The following MAD1L1 variants were observed in gnomAD, a reference collection of about 807,000 sequenced individuals.
The protein encoded by MAD1L1 is mitotic spindle assembly checkpoint protein MAD1.
Under a neutral mutation model 96.9 loss-of-function variants are expected in MAD1L1, and 95 were observed. That is an observed-to-expected ratio of 0.98 (90% confidence interval 0.83 to 1.16). MAD1L1 has a LOEUF of 1.16. MAD1L1 is among the 50% of genes most tolerant of loss of function. The probability of loss-of-function intolerance (pLI) is 0.00; values close to 1 mark genes in which losing one functional copy is unlikely to be tolerated. For synonymous variants in MAD1L1, 473 were observed against 396.6 expected, an observed-to-expected ratio of 1.19 and a Z score of -2.29; for missense variants, 1,007 against 954.4, an observed-to-expected ratio of 1.06 and a Z score of -0.73.
chr7:1,828,573 G>A (rs1171863406), intron 18 of MAD1L1, among the ~76,000 whole-genome samples: 5 of 152,220 alleles, frequency 3.3e-5, no homozygotes, highest in Non-Finnish European at 5.9e-5. Context: ...GCAAGGGGCG[G>A]TGTGAGCCCC....
At chr7:1,964,811 G>A in intron 15 of MAD1L1, among the ~76,000 whole-genome samples, 1 of 152,226 alleles carries the variant, frequency 6.6e-6, no homozygotes, top group Non-Finnish European at 1.5e-5. Flanking sequence ...CAAGAAAAAT[G>A]ATTAGTTGTT....
Position 1,968,109 on chromosome 7 carries a change from C to T in MAD1L1, c.1506-10390G>A, listed in dbSNP as rs1026492366. On this transcript the variant is annotated intron_variant, in intron 15 of 18. Coordinates refer to ENST00000265854, the MANE Select transcript of MAD1L1 (RefSeq NM_001013836.2). This position sits in a 1 kb window ranked among gnomAD's most constrained non-coding sequence, Gnocchi z 5.6. ...ACTCATCCCTCCAGAGGGGGAGCGT[C>T]GCCTGTGCCCTGAGGGATTCGCTTC... Among the ~76,000 whole-genome samples, 3 of 152,360 alleles carry T rather than the reference C, an allele frequency of 2.0e-5. No individual in the cohort carries two copies. Among genetic ancestry groups the T allele is most frequent in the Admixed American group, 6.5e-5 (1 of 15,312 alleles).
chr7:2,011,117 G>A (rs1337743963), intron 13 of MAD1L1, among the ~76,000 whole-genome samples: 2 of 152,192 alleles, frequency 1.3e-5, no homozygotes, highest in African/African-American at 4.8e-5. Flanking sequence ...CTCCCCGGCT[G>A]GGGCGATGGC....
chr7:2,230,039 T>G lies in MAD1L1; in HGVS notation c.95A>C (p.Asp32Ala). Reference protein sequence around the residue: ...SQRVEGGSGLDISTSAPGSLQ... With the variant: ...SQRVEGGSGLAISTSAPGSLQ... ...AGAACCTGGGGCCGAGGTAGAAATA[T>G]CCAGTCCAGAGCCTCCCTCCACACG... is the stretch of plus-strand genomic sequence containing the variant. The change falls in exon 3 of 19, where the codon GAT becomes GCT. Residue 32 changes from aspartate (D) to alanine (A), a missense_variant. By Grantham distance (126) the Asp-to-Ala change is moderately radical. Transcript: ENST00000265854. 1 of 1,613,726 alleles carries G rather than the reference T, an allele frequency of 6.2e-7. No homozygotes were observed. Among genetic ancestry groups the G allele is most frequent in the Non-Finnish European group, 8.5e-7 (1 of 1,179,970 alleles).
intron 18 of MAD1L1, among the ~76,000 whole-genome samples, chr7:1,866,020 G>C (rs1295376806): frequency 6.6e-6 from 1 of 152,234 alleles, no homozygotes; most frequent in African/African-American, 2.4e-5. Flanking sequence ...TGGGTCTGGA[G>C]AACCATGCTG....
At chr7:2,169,226 A>C (rs1054540713) in intron 10 of MAD1L1, among the ~76,000 whole-genome samples, 1 of 152,188 alleles carries the variant, frequency 6.6e-6, no homozygotes, top group Non-Finnish European at 1.5e-5. Context: ...TAAAGTCCGC[A>C]TGTAGACAGT....
intron 11 of MAD1L1, among the ~76,000 whole-genome samples, chr7:2,080,805 C>A (rs965448733): frequency 2.6e-5 from 4 of 152,110 alleles, no homozygotes; most frequent in African/African-American, 9.7e-5. Context: ...TCAAACACAC[C>A]CTGAACCTCC....
rs972773029 is a variant in MAD1L1, at chr7:2,167,152, A to T, written c.987-17914T>A. 1.9e-4 allele frequency among the ~76,000 whole-genome samples: 29 copies of T among 152,186 alleles called. 1 individual carries two copies. On this transcript the variant is annotated intron_variant, in intron 10 of 18. Coordinates refer to ENST00000265854, the MANE Select transcript of MAD1L1 (RefSeq NM_001013836.2). ...GGCAGCATGCTTCACTGGGCAACGGAGGTGCTGCTGCAAGTGGGCGCAGTA... is the reference window on the plus strand; with the variant it reads ...GGCAGCATGCTTCACTGGGCAACGGTGGTGCTGCTGCAAGTGGGCGCAGTA...
chr7:1,831,947 G>A (rs560183635), intron 18 of MAD1L1, among the ~76,000 whole-genome samples: 43 of 152,310 alleles, frequency 2.8e-4, no homozygotes, highest in African/African-American at 7.7e-4. Context: ...GGAGATGAAC[G>A]TTGTTTCTAT....
At chr7:1,971,276 C>A (rs536184720) in intron 15 of MAD1L1, among the ~76,000 whole-genome samples, 2 of 152,332 alleles carry the variant, frequency 1.3e-5, no homozygotes, top group East Asian at 3.9e-4. Flanking sequence ...GTAAGAAACA[C>A]AAGCGATGGG....
At chr7:2,170,854 G>A (rs1790673668) in intron 10 of MAD1L1, among the ~76,000 whole-genome samples, 1 of 152,192 alleles carries the variant, frequency 6.6e-6, no homozygotes, top group South Asian at 2.1e-4. Flanking sequence ...GCCTGCCGTG[G>A]GTACTGAGTG....
intron 15 of MAD1L1, among the ~76,000 whole-genome samples, chr7:1,961,972 G>C (rs1175022682): frequency 6.6e-6 from 1 of 151,962 alleles, no homozygotes; most frequent in Admixed American, 6.6e-5. Context: ...TGAATCACAG[G>C]GTGGTTTCCC....
chr7:1,987,595 G>A (rs1190915774), intron 14 of MAD1L1, among the ~76,000 whole-genome samples: 3 of 152,286 alleles, frequency 2.0e-5, no homozygotes, highest in Non-Finnish European at 4.4e-5. Flanking sequence ...GGTGGGGGAA[G>A]AGCAAATGCG....
At chr7:2,122,792 C>T (rs1344454508) in intron 11 of MAD1L1, among the ~76,000 whole-genome samples, 2 of 152,216 alleles carry the variant, frequency 1.3e-5, no homozygotes, top group Non-Finnish European at 2.9e-5. Context: ...CTAAAGCTCA[C>T]CCCCAGGCGC....
At chr7:1,914,991 T>C (rs1373374432) in intron 17 of MAD1L1, among the ~76,000 whole-genome samples, 1 of 152,064 alleles carries the variant, frequency 6.6e-6, no homozygotes, top group Non-Finnish European at 1.5e-5. Context: ...CTAAGGATAG[T>C]GTGGGCCTCT....
chr7:2,055,365 G>C (rs1321168505), intron 12 of MAD1L1, among the ~76,000 whole-genome samples: 1 of 152,144 alleles, frequency 6.6e-6, no homozygotes, highest in Non-Finnish European at 1.5e-5. Flanking sequence ...CCGCATCGTA[G>C]GGCACGATCC....
intron 12 of MAD1L1, among the ~76,000 whole-genome samples, chr7:2,066,205 C>T (rs1386060504): frequency 6.6e-6 from 1 of 152,252 alleles, no homozygotes; most frequent in Non-Finnish European, 1.5e-5. Context: ...AGAGCCCCCA[C>T]CAGCCGGAGG....
At chr7:2,207,649 G>T (rs962614709) in intron 10 of MAD1L1, among the ~76,000 whole-genome samples, 1 of 152,130 alleles carries the variant, frequency 6.6e-6, no homozygotes, top group African/African-American at 2.4e-5. Flanking sequence ...TGTATTATTC[G>T]TAACATCCTT....
At chr7:2,091,357 G>GCCCTGCAT (rs1786203171) in intron 11 of MAD1L1, among the ~76,000 whole-genome samples, 1 of 152,344 alleles carries the variant, frequency 6.6e-6, no homozygotes, top group Admixed American at 6.5e-5. Context: ...GTATGTGCCA[G>GCCCTGCAT]CCCTGCATAC....
Sources: gnomAD v4.1 joint callset for allele counts (sites outside exome capture counted in the v4.1 genomes callset) on GRCh38, gnomAD v4.1.1 for gene constraint, Gnocchi (gnomAD v3.1) non-coding constraint, MANE v1.5 for transcripts, NCBI Gene and HGNC (gene_info 2026-07-23, HGNC 2026-07-21) for gene names.